The following CCDC112 variants were observed in gnomAD, a reference collection of about 807,000 sequenced individuals.
CCDC112 encodes coiled-coil domain-containing protein 112.
Under a neutral mutation model 66.3 loss-of-function variants are expected in CCDC112, and 40 were observed. The observed-to-expected ratio is 0.60, with a 90% CI of 0.47 to 0.79. CCDC112 has a LOEUF of 0.79. Among genes scored for constraint, CCDC112 ranks in the 30% least tolerant of loss-of-function variants. The pLI is 0.00. For missense variants in CCDC112, 659 were observed against 603.8 expected (o/e 1.09, Z -0.96); for synonymous variants, 214 against 197.2 (o/e 1.09, Z -0.71).
chr5:115,296,559 T>C lies in CCDC112; in HGVS notation c.-16A>G. The C allele has an allele frequency of 1.4e-6, 2 of 1,462,824 alleles. No homozygotes were observed. Among genetic ancestry groups the C allele is most frequent in the Admixed American group, 2.5e-5 (1 of 39,578 alleles). 90.6% of individuals were successfully genotyped at this position (1,462,824 alleles called of 1,614,324 possible). A position where few individuals can be genotyped will look rare whatever the true frequency, so the allele number is the denominator to read the frequency against. On this transcript the variant is annotated 5_prime_UTR_variant, in exon 1 of 10. Coordinates refer to ENST00000379611, the MANE Select transcript of CCDC112 (RefSeq NM_001040440.3). ...GTGCGGCCATGTTTACCCGCCGAGCTACTCGGGCCGCGGCGGCCACCGGTG... is the reference window on the plus strand; with the variant it reads ...GTGCGGCCATGTTTACCCGCCGAGCCACTCGGGCCGCGGCGGCCACCGGTG...
At chr5:115,272,019 G>A (rs941931228) in intron 6 of CCDC112, among the ~76,000 whole-genome samples, 1 of 150,670 alleles carries the variant, frequency 6.6e-6, no homozygotes, top group Non-Finnish European at 1.5e-5. Context: ...CTGCCTCCCA[G>A]GTTCAAGTGA....
intron 4 of CCDC112, among the ~76,000 whole-genome samples, chr5:115,276,319 T>A (rs1003054162): frequency 6.6e-6 from 1 of 152,174 alleles, no homozygotes; most frequent in East Asian, 1.9e-4. Context: ...ATATATCAAG[T>A]AACTTGCCTA....
intron 1 of CCDC112, among the ~76,000 whole-genome samples, chr5:115,287,150 T>C (rs1268615078): frequency 3.3e-5 from 5 of 152,140 alleles, no homozygotes; most frequent in African/African-American, 9.7e-5. Context: ...CCACCAGCAA[T>C]GTATAGGGGT....
At chr5:115,269,902 C>T in intron 7 of CCDC112, 104 bp from the exon 8 acceptor site, 1 of 642,894 alleles carries the variant, frequency 1.6e-6, no homozygotes, top group South Asian at 2.1e-5. Context: ...TATCAATATT[C>T]CTTCAATATT....
At position 115,281,537 on chromosome 5, in the gene CCDC112, T is replaced by C. The variant is rs150376230; in HGVS notation, c.240-1769A>G. On this transcript the variant is annotated intron_variant, in intron 2 of 9. Coordinates refer to ENST00000379611, the MANE Select transcript of CCDC112 (RefSeq NM_001040440.3). The stretch of plus-strand genomic sequence containing the variant: ...GGCAACTCTAATGGACTGAGTCCTG[T>C]GTTGAGGACTGGGAAGTTCATCTAG... 2.2e-3 allele frequency among the ~76,000 whole-genome samples: 342 copies of C among 152,328 alleles called. 2 individuals carry two copies. Among genetic ancestry groups the C allele is most frequent in the African/African-American group, 7.2e-3 (301 of 41,580 alleles).
intron 1 of CCDC112, among the ~76,000 whole-genome samples, chr5:115,294,732 T>C (rs1750076619): frequency 6.6e-6 from 1 of 152,218 alleles, no homozygotes; most frequent in South Asian, 2.1e-4. Flanking sequence ...ATGACAAATA[T>C]TCAAGTTCGG....
chr5:115,295,078 C>A (rs938583740), intron 1 of CCDC112, among the ~76,000 whole-genome samples: 26 of 152,060 alleles, frequency 1.7e-4, no homozygotes, highest in African/African-American at 6.3e-4. Flanking sequence ...TAGATGCTAG[C>A]AGCCCCTCAA....
intron 3 of CCDC112, among the ~76,000 whole-genome samples, chr5:115,278,350 A>G (rs267297): frequency 0.47 from 72,021 of 151,722 alleles, 17,954 homozygotes; most frequent in East Asian, 0.84. Context: ...AGGAATAGGT[A>G]TTTCTACTGC....
chr5:115,284,818 A>G lies in CCDC112; in HGVS notation c.208T>C (p.Phe70Leu). 6.2e-7 allele frequency: 1 copy of G among 1,610,332 alleles called. No individual in the cohort carries two copies. Among genetic ancestry groups the G allele is most frequent in the South Asian group, 1.1e-5 (1 of 90,946 alleles). ...TTAAATTTTTCTGCTGTGCGTACAA[A>G]TTCTGCTTTCTTAGTCTGATTAACT... ...QKVNQTKKAE[F>L]VRTAEKFKNQ... The change falls in exon 2 of 10, where the codon TTT becomes CTT. Residue 70 changes from phenylalanine (F) to leucine (L), a missense_variant. Transcript: ENST00000379611.
intron 1 of CCDC112, among the ~76,000 whole-genome samples, chr5:115,293,242 G>T (rs1290311743): frequency 6.6e-6 from 1 of 152,106 alleles, no homozygotes. Flanking sequence ...CAGGAGGAAT[G>T]TTTTGAGATC....
Position 115,285,298 on chromosome 5 carries a change from G to C in CCDC112, c.118-390C>G, listed in dbSNP as rs181020342. ...TAGTGAGGAAAAACAGATTTAAAGA[G>C]ATAAGAGTAAACAAGCAATAAAATG... On this transcript the variant is annotated intron_variant, in intron 1 of 9. Transcript: ENST00000379611. Among the ~76,000 whole-genome samples, 11 of 152,170 alleles carry C rather than the reference G, an allele frequency of 7.2e-5. No homozygotes were observed. In the East Asian group the frequency reaches 1.9e-3, roughly 27 times the overall value.
chr5:115,271,942 G>A (rs1419948383), intron 6 of CCDC112, among the ~76,000 whole-genome samples: 1 of 44,444 alleles, frequency 2.3e-5, no homozygotes, highest in Non-Finnish European at 4.7e-5. Context: ...TTTTTTTTTT[G>A]AGACGGAGTT....
intron 2 of CCDC112, among the ~76,000 whole-genome samples, chr5:115,283,916 A>T (rs1250093112): frequency 6.6e-6 from 1 of 152,082 alleles, no homozygotes; most frequent in Non-Finnish European, 1.5e-5. Context: ...AACATTCTTC[A>T]TATTTATATG....
At chr5:115,282,124 T>C (rs913277259) in intron 2 of CCDC112, among the ~76,000 whole-genome samples, 1 of 152,180 alleles carries the variant, frequency 6.6e-6, no homozygotes, top group Non-Finnish European at 1.5e-5. Flanking sequence ...ATGGGCAGGT[T>C]AAATAAATCA....
At chr5:115,296,047 A>G (rs1750140765) in intron 1 of CCDC112, 4 of 1,001,672 alleles carry the variant, frequency 4.0e-6, no homozygotes, top group Non-Finnish European at 4.8e-6. Flanking sequence ...CTGAGCACAG[A>G]GTCCCCCTCC....
chr5:115,269,049 G>T, intron 8 of CCDC112, 49 bp from the exon 9 acceptor site: 3 of 1,085,842 alleles, frequency 2.8e-6, no homozygotes, highest in Non-Finnish European at 4.0e-6. Context: ...AACTCAGTTT[G>T]TACTAGTAAA....
At chr5:115,278,237 G>A (rs1392182196) in intron 3 of CCDC112, among the ~76,000 whole-genome samples, 2 of 152,076 alleles carry the variant, frequency 1.3e-5, no homozygotes, top group African/African-American at 4.8e-5. Flanking sequence ...CTACAAGGCT[G>A]ATAATCTTTT....
intron 1 of CCDC112, among the ~76,000 whole-genome samples, chr5:115,290,139 T>G (rs544785581): frequency 1.3e-5 from 2 of 152,374 alleles, no homozygotes; most frequent in East Asian, 3.9e-4. Context: ...AGACCTGCAT[T>G]TAGATCTTTG....
rs781232639 is a variant in CCDC112 at position 115,275,434 on chromosome 5, G to C, written c.700C>G (p.Leu234Val). 1.2e-6 allele frequency: 2 copies of C among 1,613,834 alleles called. No individual in the cohort carries two copies. The highest frequency in any genetic ancestry group is 8.5e-7 in the Non-Finnish European group (1 of 1,179,974). ...VTPSTLPEEV[L>V]DFEKFLQQTG... Reference sequence around the variant, plus strand: ...TGCTGAAGGAATTTTTCAAAATCTAGTACCTCTTCTGGAAGAGTACTTGGT... The same window carrying C: ...TGCTGAAGGAATTTTTCAAAATCTACTACCTCTTCTGGAAGAGTACTTGGT... The change falls in exon 6 of 10, where the codon CTA becomes GTA. Residue 234 changes from leucine to valine, a missense_variant. Leu to Val is a conservative substitution (Grantham distance 32). Coordinates refer to ENST00000379611, the MANE Select transcript of CCDC112 (RefSeq NM_001040440.3).
Sources: gnomAD v4.1 joint callset for allele counts (sites outside exome capture counted in the v4.1 genomes callset) on GRCh38, gnomAD v4.1.1 for gene constraint, MANE v1.5 for transcripts, NCBI Gene and HGNC (gene_info 2026-07-23, HGNC 2026-07-21) for gene names.